ARL14EPL: variants seen among roughly 807,000 people sequenced by gnomAD.
ARL14EPL encodes ARF like GTPase 14 effector protein like, also known as ARL14 effector protein-like.
In ARL14EPL, 17 loss-of-function variants were observed where a neutral mutation model predicts 15.9. The observed-to-expected ratio is 1.07, with a 90% CI of 0.73 to 1.60. The LOEUF is 1.60. Ranked by LOEUF, ARL14EPL falls within the 40% of genes most tolerant of loss-of-function variation. The pLI is 0.00. For missense variants in ARL14EPL, 214 were observed against 185.9 expected (o/e 1.15, Z -0.88); for synonymous variants, 78 against 63.8 (o/e 1.22, Z -1.06).
At chr5:116,053,535 G>A (rs1038049602) in intron 2 of ARL14EPL, among the ~76,000 whole-genome samples, 1 of 152,152 alleles carries the variant, frequency 6.6e-6, no homozygotes, top group African/African-American at 2.4e-5. Context: ...CCAGTCCCGG[G>A]TAGGGAGTAG....
chr5:116,053,159 G>T (rs189872510), intron 2 of ARL14EPL, among the ~76,000 whole-genome samples: 1 of 152,012 alleles, frequency 6.6e-6, no homozygotes, highest in Non-Finnish European at 1.5e-5. Flanking sequence ...GCCAGCCTGG[G>T]CAACATGGTG....
chr5:116,038,461 G>T (rs1038468258), intron 1 of ARL14EPL, among the ~76,000 whole-genome samples: 1 of 152,194 alleles, frequency 6.6e-6, no homozygotes, highest in Non-Finnish European at 1.5e-5. Flanking sequence ...CTAGAATTTA[G>T]TGTCAGGCTA....
intron 1 of ARL14EPL, among the ~76,000 whole-genome samples, chr5:116,038,323 T>C (rs560674055): frequency 4.5e-4 from 69 of 152,286 alleles, no homozygotes; most frequent in African/African-American, 1.6e-3. Flanking sequence ...ATGAACAAGC[T>C]TGCAAACATA....
chr5:116,056,217 C>A (rs537733645), intron 3 of ARL14EPL, among the ~76,000 whole-genome samples: 1 of 152,016 alleles, frequency 6.6e-6, no homozygotes, highest in African/African-American at 2.4e-5. Flanking sequence ...CCTGAGGAAT[C>A]GCCACACTGA....
chr5:116,042,984 C>T (rs1308031095), intron 1 of ARL14EPL, among the ~76,000 whole-genome samples: 1 of 152,036 alleles, frequency 6.6e-6, no homozygotes, highest in Non-Finnish European at 1.5e-5. Context: ...CGTAGTACTA[C>T]ATGTACTATG....
intron 1 of ARL14EPL, among the ~76,000 whole-genome samples, chr5:116,036,956 T>G (rs1749059793): frequency 6.6e-6 from 1 of 152,070 alleles, no homozygotes; most frequent in Admixed American, 6.6e-5. Context: ...TTTTTATATG[T>G]TTTTCCATTT....
intron 2 of ARL14EPL, 108 bp downstream of exon 2, chr5:116,051,669 C>T: frequency 1.1e-6 from 1 of 937,538 alleles, no homozygotes; most frequent in Non-Finnish European, 1.6e-6. Flanking sequence ...CAGGACCTCA[C>T]AGGGAGGAGC....
intron 1 of ARL14EPL, among the ~76,000 whole-genome samples, chr5:116,048,612 G>A (rs1460702283): frequency 6.6e-6 from 1 of 152,138 alleles, no homozygotes; most frequent in African/African-American, 2.4e-5. Flanking sequence ...CTAGTAGCAT[G>A]TCTAAGAGCT....
intron 1 of ARL14EPL, among the ~76,000 whole-genome samples, chr5:116,048,691 C>T (rs1749317548): frequency 6.6e-6 from 1 of 151,892 alleles, no homozygotes; most frequent in Non-Finnish European, 1.5e-5. Context: ...AGTGGGATCC[C>T]TCGACCAAAG....
chr5:116,038,971 CA>C, intron 1 of ARL14EPL, among the ~76,000 whole-genome samples: 1 of 152,198 alleles, frequency 6.6e-6, no homozygotes, highest in East Asian at 1.9e-4. Context: ...CCCTGGGGCC[CA>C]GGGGTGGCGG....
At chr5:116,050,833 A>ATG (rs1749361127) in intron 1 of ARL14EPL, among the ~76,000 whole-genome samples, 2 of 35,070 alleles carry the variant, frequency 5.7e-5, no homozygotes, top group Non-Finnish European at 2.0e-4. Context: ...ACACATGCAC[A>ATG]CACACACACA....
chr5:116,033,795 AG>A (rs1457956611), intron 1 of ARL14EPL, among the ~76,000 whole-genome samples: 1 of 152,218 alleles, frequency 6.6e-6, no homozygotes, highest in Non-Finnish European at 1.5e-5. Flanking sequence ...TTTGCTAAAA[AG>A]TTTGTTTCGT....
chr5:116,051,822 AG>A (rs1749387058), intron 2 of ARL14EPL: 1 of 922,236 alleles, frequency 1.1e-6, no homozygotes, highest in African/African-American at 1.7e-5. Flanking sequence ...CTTTTTGTGG[AG>A]AATATATACA....
intron 1 of ARL14EPL, among the ~76,000 whole-genome samples, chr5:116,049,674 T>G (rs979820140): frequency 1.3e-5 from 2 of 152,188 alleles, no homozygotes; most frequent in African/African-American, 4.8e-5. Context: ...TGTCCTTTCT[T>G]TCATTCATAA....
At chr5:116,035,847 G>C (rs1749040750) in intron 1 of ARL14EPL, among the ~76,000 whole-genome samples, 1 of 152,242 alleles carries the variant, frequency 6.6e-6, no homozygotes, top group South Asian at 2.1e-4. Context: ...GCTGGTCTGG[G>C]AGACTGAGGG....
intron 1 of ARL14EPL, among the ~76,000 whole-genome samples, chr5:116,036,471 G>T (rs950943172): frequency 2.0e-5 from 3 of 152,170 alleles, no homozygotes; most frequent in Non-Finnish European, 4.4e-5. Context: ...GTTCTGACAA[G>T]AAACTTTAGG....
chr5:116,039,822 A>C (rs979626809), intron 1 of ARL14EPL, among the ~76,000 whole-genome samples: 1 of 152,234 alleles, frequency 6.6e-6, no homozygotes, highest in African/African-American at 2.4e-5. Flanking sequence ...ATGATGATAT[A>C]ATGAACAAAT....
intron 1 of ARL14EPL, 117 bp from the exon 2 acceptor site, chr5:116,051,340 T>C: frequency 2.9e-6 from 2 of 686,278 alleles, no homozygotes; most frequent in Non-Finnish European, 2.4e-6. Flanking sequence ...GGAGTACAGA[T>C]ACAGTCTGGT....
chr5:116,035,623 G>C (rs543559808), intron 1 of ARL14EPL, among the ~76,000 whole-genome samples: 38 of 152,204 alleles, frequency 2.5e-4, no homozygotes, highest in Non-Finnish European at 1.5e-5. Flanking sequence ...AAGGGAGGAG[G>C]TGGATTTATT....
Sources: allele counts gnomAD v4.1 joint callset (sites outside exome capture counted in the v4.1 genomes callset), GRCh38; gene constraint gnomAD v4.1.1; transcripts MANE v1.5; gene names NCBI Gene and HGNC (gene_info 2026-07-23, HGNC 2026-07-21).